The following CTNND2 variants were observed in gnomAD, a reference collection of about 807,000 sequenced individuals.
CTNND2 encodes the protein catenin delta 2.
Under a neutral mutation model 144.4 loss-of-function variants are expected in CTNND2, and 22 were observed. The ratio of observed to expected loss-of-function variants is 0.15; its 90% CI spans 0.11 to 0.22. CTNND2 has a LOEUF of 0.22. Among genes scored for constraint, CTNND2 ranks in the 10% least tolerant of loss-of-function variants. The probability of loss-of-function intolerance (pLI) is 1.00; values close to 1 mark genes in which losing one functional copy is unlikely to be tolerated. For missense variants in CTNND2, 1,353 were observed against 1,618.8 expected, an observed-to-expected ratio of 0.84 and a Z score of 2.82; for synonymous variants, 751 against 695.6, an observed-to-expected ratio of 1.08 and a Z score of -1.25.
At chr5:11,658,197 A>G (rs1783012719) in intron 2 of CTNND2, among the ~76,000 whole-genome samples, 1 of 152,070 alleles carries the variant, frequency 6.6e-6, no homozygotes, top group African/African-American at 2.4e-5. Flanking sequence ...ACATCTTTTT[A>G]ACCAAGTAAG....
chr5:11,408,156 T>C (rs1299814995), intron 5 of CTNND2, among the ~76,000 whole-genome samples: 2 of 152,172 alleles, frequency 1.3e-5, no homozygotes, highest in Non-Finnish European at 2.9e-5. Context: ...GCGCTGTTTG[T>C]TCCCTTAATC....
rs1379290966 is a variant in CTNND2, at chr5:11,470,978, ATATT to A, written c.288-58913_288-58910del. 8.4e-5 allele frequency among the ~76,000 whole-genome samples: 8 copies of A among 95,808 alleles called. No individual in the cohort carries two copies. In the East Asian group the frequency reaches 9.1e-4, roughly 11 times the overall value. 62.9% of individuals were successfully genotyped at this position (95,808 alleles called of 152,430 possible). On this transcript the variant is annotated intron_variant, in intron 3 of 21. Coordinates refer to ENST00000304623, the MANE Select transcript of CTNND2 (RefSeq NM_001332.4). ...AGTATATATATATATATATATATAT[ATATT>A]TTTTTTTTTTTTTTAGATGGAGTCT...
At chr5:11,124,008 T>G (rs1185653791) in intron 12 of CTNND2, among the ~76,000 whole-genome samples, 1 of 152,176 alleles carries the variant, frequency 6.6e-6, no homozygotes, top group East Asian at 1.9e-4. Flanking sequence ...AACACTAAAC[T>G]TGTGAGGGGG....
intron 11 of CTNND2, among the ~76,000 whole-genome samples, chr5:11,195,041 A>C (rs1354492862): frequency 6.6e-6 from 1 of 152,204 alleles, no homozygotes; most frequent in African/African-American, 2.4e-5. Flanking sequence ...AGAGGCTCAA[A>C]ATCTGACTAA....
chr5:11,658,159 G>A (rs563705210), intron 2 of CTNND2, among the ~76,000 whole-genome samples: 6 of 152,036 alleles, frequency 3.9e-5, no homozygotes, highest in African/African-American at 1.4e-4. Flanking sequence ...CAAGTTTTAT[G>A]AAGATTGTGA....
At chr5:11,764,627 T>C (rs1368379017) in intron 1 of CTNND2, among the ~76,000 whole-genome samples, 1 of 152,184 alleles carries the variant, frequency 6.6e-6, no homozygotes, top group Non-Finnish European at 1.5e-5. Flanking sequence ...GGTTCCAACA[T>C]GTGACTTTTC....
intron 9 of CTNND2, among the ~76,000 whole-genome samples, chr5:11,249,425 G>T (rs908370169): frequency 2.0e-5 from 3 of 152,190 alleles, no homozygotes; most frequent in Non-Finnish European, 4.4e-5. Context: ...AGATTCAAAG[G>T]AGCAAGGCTT....
chr5:11,683,374 A>T (rs1188716025), intron 2 of CTNND2, among the ~76,000 whole-genome samples: 5 of 152,242 alleles, frequency 3.3e-5, no homozygotes, highest in Admixed American at 6.5e-5. Context: ...AGGCTTCATT[A>T]CTCCAAACAT....
chr5:11,133,906 T>A (rs1755861830), intron 12 of CTNND2, among the ~76,000 whole-genome samples: 2 of 152,188 alleles, frequency 1.3e-5, no homozygotes, highest in Non-Finnish European at 2.9e-5. Context: ...TTCACTGTGG[T>A]AGGGAGAATT....
At chr5:11,642,484 T>C in intron 2 of CTNND2, among the ~76,000 whole-genome samples, 1 of 152,052 alleles carries the variant, frequency 6.6e-6, no homozygotes, top group Non-Finnish European at 1.5e-5. Flanking sequence ...CAAACTCTGA[T>C]GGATGAAGTT....
At chr5:11,536,623 G>A (rs1461755631) in intron 3 of CTNND2, among the ~76,000 whole-genome samples, 1 of 152,102 alleles carries the variant, frequency 6.6e-6, no homozygotes, top group Non-Finnish European at 1.5e-5. Context: ...AGTAACTCAG[G>A]AATGGAAAAC....
chr5:11,595,981 G>T (rs1413100758), intron 2 of CTNND2, among the ~76,000 whole-genome samples: 2 of 152,134 alleles, frequency 1.3e-5, no homozygotes, highest in African/African-American at 2.4e-5. Context: ...AACAAAGGCA[G>T]GATCTCATTT....
At chr5:11,473,343 C>A (rs1767409226) in intron 3 of CTNND2, among the ~76,000 whole-genome samples, 1 of 152,130 alleles carries the variant, frequency 6.6e-6, no homozygotes, top group African/African-American at 2.4e-5. Context: ...CCACTCCTGG[C>A]ATTGAATGTT....
At chr5:11,058,148 G>A (rs944954823) in intron 16 of CTNND2, among the ~76,000 whole-genome samples, 5 of 152,218 alleles carry the variant, frequency 3.3e-5, no homozygotes, top group African/African-American at 1.2e-4. Context: ...ATTCAAGCCA[G>A]CTGCAGAAAT....
chr5:11,526,681 T>G (rs1170964640), intron 3 of CTNND2, among the ~76,000 whole-genome samples: 1 of 152,158 alleles, frequency 6.6e-6, no homozygotes, highest in Non-Finnish European at 1.5e-5. Flanking sequence ...GCACCCCCAC[T>G]TTATACATAA....
intron 14 of CTNND2, among the ~76,000 whole-genome samples, chr5:11,102,821 TA>T (rs1319923853): frequency 1.3e-5 from 2 of 152,070 alleles, no homozygotes; most frequent in Admixed American, 6.5e-5. Flanking sequence ...ATGGCCCCTG[TA>T]AAAAAAGGTC....
chr5:11,792,324 A>C (rs1251840085), intron 1 of CTNND2, among the ~76,000 whole-genome samples: 1 of 152,126 alleles, frequency 6.6e-6, no homozygotes, highest in African/African-American at 2.4e-5. Flanking sequence ...TATTTTAAAA[A>C]CTGTCTAAAT....
chr5:11,370,858 G>A (rs1435888682), intron 7 of CTNND2, among the ~76,000 whole-genome samples: 1 of 152,238 alleles, frequency 6.6e-6, no homozygotes, highest in Non-Finnish European at 1.5e-5. Context: ...TAATGTGTTT[G>A]TGAACAGTTC....
intron 8 of CTNND2, among the ~76,000 whole-genome samples, chr5:11,348,624 G>A (rs972700825): frequency 3.3e-5 from 5 of 151,870 alleles, no homozygotes; most frequent in Non-Finnish European, 7.4e-5. Flanking sequence ...TGATTAAAGT[G>A]TCAGAGATCA....
Sources: allele counts gnomAD v4.1 joint callset (sites outside exome capture counted in the v4.1 genomes callset), GRCh38; gene constraint gnomAD v4.1.1; transcripts MANE v1.5; gene names NCBI Gene and HGNC (gene_info 2026-07-23, HGNC 2026-07-21).